MAP3K3: variants seen among roughly 807,000 people sequenced by gnomAD.
MAP3K3 encodes the protein mitogen-activated protein kinase kinase kinase 3.
MAP3K3 carries 12 observed loss-of-function variants against 80.9 expected under a neutral mutation model. The observed-to-expected ratio is 0.15, with a 90% CI of 0.10 to 0.24. The LOEUF is 0.24. Among genes scored for constraint, MAP3K3 ranks in the 10% least tolerant of loss-of-function variants. The pLI is 1.00. For synonymous variants in MAP3K3, 272 were observed against 307.1 expected, an observed-to-expected ratio of 0.89 and a Z score of 1.19; for missense variants, 596 against 834.7, an observed-to-expected ratio of 0.71 and a Z score of 3.52.
At chr17:63,629,385 A>G (rs1329879896) in intron 1 of MAP3K3, among the ~76,000 whole-genome samples, 3 of 152,210 alleles carry the variant, frequency 2.0e-5, no homozygotes, top group African/African-American at 7.2e-5. Context: ...TTGGCCTCCC[A>G]AAGTGCTAGA....
intron 3 of MAP3K3, among the ~76,000 whole-genome samples, chr17:63,650,753 A>G (rs2034638731): frequency 6.9e-6 from 1 of 144,170 alleles, no homozygotes; most frequent in Non-Finnish European, 1.5e-5. Flanking sequence ...GTATAGTGGC[A>G]TGATCACAGC....
At chr17:63,675,047 G>A (rs1415878709) in intron 6 of MAP3K3, among the ~76,000 whole-genome samples, 1 of 152,138 alleles carries the variant, frequency 6.6e-6, no homozygotes, top group African/African-American at 2.4e-5. Context: ...CATCTTCAAA[G>A]GTTTTTTTTC....
chr17:63,655,686 G>T (rs1237409451), intron 4 of MAP3K3, among the ~76,000 whole-genome samples: 1 of 151,908 alleles, frequency 6.6e-6, no homozygotes. Context: ...AGAGATGGGG[G>T]TCTCACTATT....
At chr17:63,644,806 C>G (rs945746221) in intron 2 of MAP3K3, among the ~76,000 whole-genome samples, 1 of 152,120 alleles carries the variant, frequency 6.6e-6, no homozygotes, top group African/African-American at 2.4e-5. Context: ...CTCTTAAGTC[C>G]TCTTTCTTCC....
chr17:63,632,923 C>T, intron 2 of MAP3K3, 121 bp downstream of exon 2: 1 of 1,309,070 alleles, frequency 7.6e-7, no homozygotes, highest in East Asian at 2.4e-5. Flanking sequence ...CCCTTCCTTT[C>T]ACAGTCTGTT....
intron 2 of MAP3K3, among the ~76,000 whole-genome samples, chr17:63,635,988 A>G (rs896291934): frequency 1.3e-5 from 2 of 152,198 alleles, no homozygotes; most frequent in African/African-American, 4.8e-5. Context: ...GGGCTGGCAG[A>G]GGCAAACAGC....
At chr17:63,654,513 C>T (rs1411677918) in intron 4 of MAP3K3, among the ~76,000 whole-genome samples, 1 of 152,002 alleles carries the variant, frequency 6.6e-6, no homozygotes, top group Non-Finnish European at 1.5e-5. Context: ...TTAAATAGTG[C>T]TGCTATGAGC....
intron 2 of MAP3K3, among the ~76,000 whole-genome samples, chr17:63,633,540 T>C (rs2034260704): frequency 6.6e-6 from 1 of 152,256 alleles, no homozygotes. Flanking sequence ...AGTGATTTTG[T>C]TATTACTGTT....
chr17:63,624,864 A>G (rs1195929591), intron 1 of MAP3K3, among the ~76,000 whole-genome samples: 1 of 152,220 alleles, frequency 6.6e-6, no homozygotes. Context: ...CTGGCTGTTC[A>G]ATTTGCTTTG....
intron 1 of MAP3K3, among the ~76,000 whole-genome samples, chr17:63,627,876 G>T (rs981018182): frequency 6.6e-6 from 1 of 151,560 alleles, no homozygotes; most frequent in African/African-American, 2.4e-5. Flanking sequence ...GAGCCAATGC[G>T]CCCGGCCTGT....
Position 63,688,874 on chromosome 17 carries a change from C to T in MAP3K3, c.864C>T (p.Tyr288=). 1 of 1,612,570 alleles carries T rather than the reference C, an allele frequency of 6.2e-7. No homozygotes were observed. The highest frequency in any genetic ancestry group is 8.5e-7 in the Non-Finnish European group (1 of 1,178,550). The part of the protein sequence containing the change: ...RYHVSVHHKD[Y]SDGRRTFPRI... ...ACGTGTCTGTGCACCACAAGGACTA[C>T]AGTGATGGTGAGTTCTTCTTCACCT... is the stretch of plus-strand genomic sequence containing the variant. The change falls in exon 10 of 16, where the codon TAC becomes TAT. Residue 288 remains tyrosine (Y), a synonymous_variant. Transcript: ENST00000361733.
intron 1 of MAP3K3, among the ~76,000 whole-genome samples, chr17:63,632,135 C>T (rs936218690): frequency 6.6e-6 from 1 of 152,132 alleles, no homozygotes; most frequent in African/African-American, 2.4e-5. Context: ...TGAGCGTGTC[C>T]CTTCCCTGCA....
chr17:63,628,244 T>A (rs2034143987), intron 1 of MAP3K3, among the ~76,000 whole-genome samples: 2 of 152,018 alleles, frequency 1.3e-5, no homozygotes, highest in Admixed American at 1.3e-4. Flanking sequence ...CTGTTAACAA[T>A]TATGTAAAAT....
intron 6 of MAP3K3, among the ~76,000 whole-genome samples, chr17:63,670,586 C>CAAAAAAAAAAA (rs756058538): frequency 2.5e-5 from 2 of 79,940 alleles, no homozygotes; most frequent in African/African-American, 4.8e-5. Context: ...GACTCTGTCT[C>CAAAAAAAAAAA]AAAAAAAAAA....
chr17:63,660,488 C>T (rs2034866961), intron 5 of MAP3K3, among the ~76,000 whole-genome samples: 1 of 152,050 alleles, frequency 6.6e-6, no homozygotes, highest in Admixed American at 6.6e-5. Flanking sequence ...GCTGGGATTA[C>T]AGGTTTGAGC....
At chr17:63,660,070 C>T (rs1285045266) in intron 5 of MAP3K3, among the ~76,000 whole-genome samples, 1 of 152,184 alleles carries the variant, frequency 6.6e-6, no homozygotes, top group Non-Finnish European at 1.5e-5. Flanking sequence ...ACCTTAAGTA[C>T]ACTGCTCCAG....
At chr17:63,679,501 G>A (rs977494033) in intron 6 of MAP3K3, among the ~76,000 whole-genome samples, 16 of 152,126 alleles carry the variant, frequency 1.1e-4, no homozygotes, top group Non-Finnish European at 8.8e-5. Context: ...TTTTGTCTAT[G>A]AGACAGGGTC....
At chr17:63,626,123 AAAGT>A (rs2034096980) in intron 1 of MAP3K3, among the ~76,000 whole-genome samples, 1 of 152,164 alleles carries the variant, frequency 6.6e-6, no homozygotes, top group African/African-American at 2.4e-5. Context: ...GCATCTGTAA[AAAGT>A]AAGTATCTGT....
chr17:63,688,290 G>A (rs1247182042), intron 8 of MAP3K3: 2 of 571,868 alleles, frequency 3.5e-6, no homozygotes, highest in African/African-American at 1.9e-5. Context: ...CAGCCAGGCT[G>A]GAGTTGGGTC....
Sources: gnomAD v4.1 joint callset for allele counts (sites outside exome capture counted in the v4.1 genomes callset) on GRCh38, gnomAD v4.1.1 for gene constraint, MANE v1.5 for transcripts, NCBI Gene and HGNC (gene_info 2026-07-23, HGNC 2026-07-21) for gene names.